The following STARD13 variants were observed in gnomAD, a reference collection of about 807,000 sequenced individuals.
STARD13 encodes the protein StAR related lipid transfer domain containing 13.
Under a neutral mutation model 106.4 loss-of-function variants are expected in STARD13, and 62 were observed. The observed-to-expected ratio is 0.58, with a 90% CI of 0.48 to 0.72. The LOEUF (loss-of-function observed/expected upper bound fraction) is 0.72, where lower values mean the gene tolerates loss of function less well. Among genes scored for constraint, STARD13 ranks in the 30% least tolerant of loss-of-function variants. STARD13 has a pLI of 0.00. For missense variants in STARD13, 1,387 were observed against 1,424.0 expected (o/e 0.97, Z 0.42); for synonymous variants, 565 against 553.0 (o/e 1.02, Z -0.31).
rs555575728 is a variant in STARD13 at position 33,184,820 on chromosome 13, G to A, written c.170-17198C>T. Among the ~76,000 whole-genome samples, 27 of 152,280 alleles carry A rather than the reference G, an allele frequency of 1.8e-4. 1 individual carries two copies. The highest frequency in any genetic ancestry group is 1.7e-3 in the South Asian group (8 of 4,816). On this transcript the variant is annotated intron_variant, in intron 1 of 13. Transcript: ENST00000336934. ...AAAATTGGAGCTATTATTATTAACC[G>A]AAATGAATACTTTTCACAATTTCCA...
the STARD13 span, among the ~76,000 whole-genome samples, chr13:33,446,862 A>G: frequency 1.3e-5 from 2 of 152,206 alleles, no homozygotes; most frequent in Non-Finnish European, 2.9e-5. Context: ...TTTACAGTTA[A>G]CATTTAAGGA....
At chr13:33,573,166 CGG>C in the STARD13 span, among the ~76,000 whole-genome samples, 1 of 152,104 alleles carries the variant, frequency 6.6e-6, no homozygotes, top group African/African-American at 2.4e-5. Context: ...CAGACAACTA[CGG>C]AGATGTCTAG....
the STARD13 span, among the ~76,000 whole-genome samples, chr13:33,441,183 T>C: frequency 6.6e-6 from 1 of 152,188 alleles, no homozygotes; most frequent in African/African-American, 2.4e-5. Context: ...CTTCCAAATG[T>C]TGCTTGAATC....
the STARD13 span, among the ~76,000 whole-genome samples, chr13:33,381,473 C>G: frequency 3.3e-5 from 5 of 152,184 alleles, no homozygotes; most frequent in African/African-American, 4.8e-5. Context: ...GGCACGGTAG[C>G]TCATGCCTGT....
intron 1 of STARD13, among the ~76,000 whole-genome samples, chr13:33,274,258 A>G (rs1297976704): frequency 6.6e-6 from 1 of 152,170 alleles, no homozygotes; most frequent in East Asian, 1.9e-4. Context: ...CATTAAGATA[A>G]AAGTAGATCA....
chr13:33,460,806 A>G, the STARD13 span, among the ~76,000 whole-genome samples: 1 of 152,198 alleles, frequency 6.6e-6, no homozygotes, highest in Non-Finnish European at 1.5e-5. Flanking sequence ...CAGTTCTTAT[A>G]TTTTAAAGCT....
chr13:33,493,382 G>A, the STARD13 span, among the ~76,000 whole-genome samples: 1 of 152,098 alleles, frequency 6.6e-6, no homozygotes, highest in Admixed American at 6.6e-5. Flanking sequence ...AGCTGCTTAC[G>A]CATTTGTCCA....
At chr13:33,549,534 T>C in the STARD13 span, among the ~76,000 whole-genome samples, 1 of 152,348 alleles carries the variant, frequency 6.6e-6, no homozygotes, top group South Asian at 2.1e-4. Flanking sequence ...GCTGTAGTCC[T>C]TCAATAAGCC....
the STARD13 span, among the ~76,000 whole-genome samples, chr13:33,408,162 T>A: frequency 6.6e-6 from 1 of 152,190 alleles, no homozygotes; most frequent in Non-Finnish European, 1.5e-5. Flanking sequence ...TTGTGGTAAC[T>A]ACGCATAACA....
chr13:33,106,947 A>G lies in STARD13; in HGVS notation c.3048-13T>C. ...AGTTTTCCAGGTCCTGTAGCAAAAC[A>G]ATCCGCACATCAGAGTCATGACTGA... is the stretch of plus-strand genomic sequence containing the variant. On this transcript the variant is annotated splice_polypyrimidine_tract_variant and intron_variant, in intron 12 of 13. Coordinates refer to ENST00000336934, the MANE Select transcript of STARD13 (RefSeq NM_178006.4). 6.2e-7 allele frequency: 1 copy of G among 1,608,400 alleles called. No homozygotes were observed. Among genetic ancestry groups the G allele is most frequent in the Non-Finnish European group, 8.5e-7 (1 of 1,176,562 alleles).
chr13:33,579,563 C>G, the STARD13 span, among the ~76,000 whole-genome samples: 1 of 151,702 alleles, frequency 6.6e-6, no homozygotes, highest in Non-Finnish European at 1.5e-5. Flanking sequence ...GCACTAAAAT[C>G]TCAGATTGCA....
intron 1 of STARD13, among the ~76,000 whole-genome samples, chr13:33,175,587 T>C (rs1475794034): frequency 6.6e-6 from 1 of 152,118 alleles, no homozygotes; most frequent in African/African-American, 2.4e-5. Flanking sequence ...ATATTGGCTC[T>C]CAGAGCCGAG....
the STARD13 span, among the ~76,000 whole-genome samples, chr13:33,668,357 A>G: frequency 3.8e-4 from 58 of 152,348 alleles, no homozygotes; most frequent in African/African-American, 1.3e-3. Flanking sequence ...GAATATTTGA[A>G]TAAATGAAAT....
chr13:33,656,475 T>C, the STARD13 span, among the ~76,000 whole-genome samples: 1 of 152,348 alleles, frequency 6.6e-6, no homozygotes, highest in South Asian at 2.1e-4. Flanking sequence ...ATCTGGACAC[T>C]TCTCATAAAA....
the STARD13 span, among the ~76,000 whole-genome samples, chr13:33,369,036 G>A: frequency 2.0e-5 from 3 of 152,050 alleles, no homozygotes; most frequent in Non-Finnish European, 4.4e-5. Flanking sequence ...GACACACAGG[G>A]TGCCTAGTTC....
At chr13:33,458,271 T>G in the STARD13 span, among the ~76,000 whole-genome samples, 3 of 144,996 alleles carry the variant, frequency 2.1e-5, no homozygotes, top group Admixed American at 2.0e-4. Context: ...TTGTTTGTTT[T>G]TTGTTGTTTT....
chr13:33,210,158 G>C (rs1033472023), intron 1 of STARD13, among the ~76,000 whole-genome samples: 4 of 152,156 alleles, frequency 2.6e-5, no homozygotes, highest in African/African-American at 9.6e-5. Flanking sequence ...TTCTTGCAAA[G>C]AGCCAGGTCT....
the STARD13 span, among the ~76,000 whole-genome samples, chr13:33,528,239 T>TAC: frequency 1.5e-5 from 2 of 131,164 alleles, no homozygotes; most frequent in African/African-American, 6.9e-5. Flanking sequence ...TATATATATA[T>TAC]ATACATATAT....
chr13:33,671,843 T>C, the STARD13 span, among the ~76,000 whole-genome samples: 2 of 152,170 alleles, frequency 1.3e-5, no homozygotes, highest in African/African-American at 4.8e-5. Flanking sequence ...ACAATTATAG[T>C]TCAACCACTC....
Sources: gnomAD v4.1 joint callset for allele counts (sites outside exome capture counted in the v4.1 genomes callset) on GRCh38, gnomAD v4.1.1 for gene constraint, MANE v1.5 for transcripts, NCBI Gene and HGNC (gene_info 2026-07-23, HGNC 2026-07-21) for gene names.